NEBL: variants seen among roughly 807,000 people sequenced by gnomAD.
NEBL encodes the protein LIM and SH3 protein 2.
NEBL carries 122 observed loss-of-function variants against 140.2 expected under a neutral mutation model. The observed-to-expected ratio is 0.87, with a 90% CI of 0.75 to 1.01. The LOEUF is 1.01. Ranked by LOEUF, NEBL falls within the 50% of genes least tolerant of loss-of-function variation. The pLI is 0.00. For missense variants in NEBL, 1,365 were observed against 1,231.3 expected, an observed-to-expected ratio of 1.11 and a Z score of -1.62; for synonymous variants, 436 against 398.9, an observed-to-expected ratio of 1.09 and a Z score of -1.11.
chr10:21,169,494 G>A (rs1388752456), intron 2 of NEBL, among the ~76,000 whole-genome samples: 3 of 152,130 alleles, frequency 2.0e-5, no homozygotes, highest in Non-Finnish European at 4.4e-5. Flanking sequence ...CAATGAGTCA[G>A]GATCCCCAGA....
chr10:21,012,803 A>G (rs1361840676), intron 3 of NEBL, among the ~76,000 whole-genome samples: 2 of 152,120 alleles, frequency 1.3e-5, no homozygotes, highest in Non-Finnish European at 2.9e-5. Context: ...CACCCAAAAT[A>G]CAGCACTCAC....
chr10:21,251,837 A>T (rs1211960976), intron 1 of NEBL, among the ~76,000 whole-genome samples: 2 of 152,166 alleles, frequency 1.3e-5, no homozygotes, highest in Non-Finnish European at 2.9e-5. Flanking sequence ...AACTGTGAGG[A>T]ATAAATTTCT....
chr10:21,149,927 C>A (rs998362783), intron 2 of NEBL, among the ~76,000 whole-genome samples: 5 of 152,162 alleles, frequency 3.3e-5, no homozygotes, highest in African/African-American at 4.8e-5. Context: ...CACATCTGGT[C>A]ACAGAATTCT....
At chr10:20,931,534 A>G (rs1834183056) in intron 4 of NEBL, among the ~76,000 whole-genome samples, 1 of 152,248 alleles carries the variant, frequency 6.6e-6, no homozygotes, top group Admixed American at 6.5e-5. Flanking sequence ...TCAAGGAATG[A>G]GGACTGTCAG....
intron 2 of NEBL, chr10:21,029,532 C>G (rs1833689879): frequency 6.2e-7 from 1 of 1,607,284 alleles, no homozygotes; most frequent in Non-Finnish European, 8.5e-7. Flanking sequence ...AGGATACAGA[C>G]AGGGACGATC....
intron 18 of NEBL, among the ~76,000 whole-genome samples, chr10:20,825,782 T>C (rs747327189): frequency 6.6e-6 from 1 of 152,122 alleles, no homozygotes; most frequent in Non-Finnish European, 1.5e-5. Context: ...TTATCCGTAA[T>C]ATTAAGCACC....
At chr10:20,907,266 T>C (rs1327404843) in intron 4 of NEBL, among the ~76,000 whole-genome samples, 3 of 152,174 alleles carry the variant, frequency 2.0e-5, no homozygotes, top group Non-Finnish European at 2.9e-5. Context: ...AGTGTGGAAA[T>C]GTATTTTATT....
chr10:21,221,605 A>G (rs1842068286), intron 3 of NEBL, among the ~76,000 whole-genome samples: 1 of 152,002 alleles, frequency 6.6e-6, no homozygotes, highest in Non-Finnish European at 1.5e-5. Context: ...CCCAGGCTCA[A>G]GCGAGTCTCC....
chr10:21,287,390 G>A (rs935554472), intron 1 of NEBL, among the ~76,000 whole-genome samples: 10 of 152,080 alleles, frequency 6.6e-5, no homozygotes, highest in African/African-American at 2.4e-4. Context: ...ACAAAAACTA[G>A]CCAGGCAGGG....
At position 21,004,188 on chromosome 10, in the gene NEBL, G is replaced by A. The variant is rs111381594; in HGVS notation, c.249+15929C>T. 1.6e-3 allele frequency among the ~76,000 whole-genome samples: 247 copies of A among 152,274 alleles called. 1 individual carries two copies. The highest frequency in any genetic ancestry group is 5.7e-3 in the African/African-American group (237 of 41,550). On this transcript the variant is annotated intron_variant, in intron 3 of 6. Coordinates refer to the NEBL transcript ENST00000417816. The stretch of plus-strand genomic sequence containing the variant: ...TTGATTCCTTTACATTAAGAATGCA[G>A]TGGATATTTGGTAACAACAGTGTTG...
chr10:21,169,976 C>T (rs1841004004), intron 2 of NEBL, among the ~76,000 whole-genome samples: 1 of 152,036 alleles, frequency 6.6e-6, no homozygotes, highest in African/African-American at 2.4e-5. Context: ...TTGGGGCCCA[C>T]ATCTCAACGT....
intron 2 of NEBL, among the ~76,000 whole-genome samples, chr10:21,135,601 A>G (rs908853872): frequency 2.6e-5 from 4 of 152,192 alleles, no homozygotes; most frequent in Non-Finnish European, 5.9e-5. Context: ...TCTGCTAAAG[A>G]AAAAAGAAAC....
At chr10:20,974,259 T>C (rs982507348) in intron 3 of NEBL, among the ~76,000 whole-genome samples, 4 of 151,440 alleles carry the variant, frequency 2.6e-5, no homozygotes, top group African/African-American at 4.9e-5. Context: ...TTTCTTTTTT[T>C]TTTTTTTTCT....
intron 26 of NEBL, among the ~76,000 whole-genome samples, chr10:20,798,775 CA>C (rs1248531137): frequency 1.3e-5 from 2 of 152,174 alleles, no homozygotes; most frequent in African/African-American, 4.8e-5. Flanking sequence ...GTTTAAGTGT[CA>C]GATGTTTCTC....
At chr10:20,988,472 C>G (rs1837338512) in intron 3 of NEBL, among the ~76,000 whole-genome samples, 2 of 152,114 alleles carry the variant, frequency 1.3e-5, no homozygotes, top group South Asian at 4.1e-4. Context: ...TCTGTTTCAA[C>G]AGATGAACTG....
chr10:20,815,896 G>A (rs1838679639), intron 21 of NEBL, 179 bp from the exon 22 acceptor site: 3 of 597,786 alleles, frequency 5.0e-6, no homozygotes, highest in African/African-American at 3.7e-5. Flanking sequence ...AGCCTCCCAG[G>A]TAGCTGGGAT....
At chr10:20,900,002 T>C (rs901410135), upstream of NEBL, among the ~76,000 whole-genome samples, 1 of 152,186 alleles carries the variant, frequency 6.6e-6, no homozygotes, top group African/African-American at 2.4e-5. Flanking sequence ...TGTCAGTAGC[T>C]CTAAAATATG....
intron 3 of NEBL, among the ~76,000 whole-genome samples, chr10:20,977,056 G>A (rs984520575): frequency 6.6e-6 from 1 of 151,930 alleles, no homozygotes. Flanking sequence ...TGTCTTTTAA[G>A]CCCTTAATCT....
intron 2 of NEBL, among the ~76,000 whole-genome samples, chr10:21,251,652 G>C (rs987828650): frequency 1.3e-5 from 2 of 152,004 alleles, no homozygotes. Flanking sequence ...ATGGCATTTG[G>C]AAGTAGGGCT....
Sources: allele counts gnomAD v4.1 joint callset (sites outside exome capture counted in the v4.1 genomes callset), GRCh38; gene constraint gnomAD v4.1.1; transcripts MANE v1.5; gene names NCBI Gene and HGNC (gene_info 2026-07-23, HGNC 2026-07-21).